Variants in RXFP1 observed in about 807,000 individuals in gnomAD.
RXFP1 encodes the protein relaxin family peptide receptor 1.
In RXFP1, 73 loss-of-function variants were observed where a neutral mutation model predicts 89.8. The observed-to-expected ratio is 0.81, with a 90% CI of 0.67 to 0.99. The LOEUF (loss-of-function observed/expected upper bound fraction) is 0.99, where lower values mean the gene tolerates loss of function less well. Among genes scored for constraint, RXFP1 ranks in the 50% least tolerant of loss-of-function variants. The pLI is 0.00. For synonymous variants in RXFP1, 277 were observed against 305.5 expected, an observed-to-expected ratio of 0.91 and a Z score of 0.97; for missense variants, 793 against 895.5, an observed-to-expected ratio of 0.89 and a Z score of 1.46.
chr4:158,521,921 G>A lies in RXFP1; in HGVS notation c.-56G>A. ...ACCACTGTGAGCTGTATGCGATTCA[G>A]AAACCAAGACCAAATTTTGCTCACT... On this transcript the variant is annotated 5_prime_UTR_variant, in exon 1 of 18. Transcript: ENST00000307765. The A allele has an allele frequency of 7.6e-7, 1 of 1,313,794 alleles. No homozygotes were observed. The highest frequency in any genetic ancestry group is 1.1e-6 in the Non-Finnish European group (1 of 913,676). 81.4% of individuals were successfully genotyped at this position (1,313,794 alleles called of 1,614,324 possible). A position where few individuals can be genotyped will look rare whatever the true frequency, so the allele number is the denominator to read the frequency against.
At chr4:158,578,595 CTT>C (rs549372234) in intron 2 of RXFP1, among the ~76,000 whole-genome samples, 12 of 152,132 alleles carry the variant, frequency 7.9e-5, no homozygotes, top group Admixed American at 1.3e-4. Context: ...AAAAGAAACT[CTT>C]TACGTTTCTA....
At chr4:158,545,977 T>C (rs956730568) in intron 1 of RXFP1, among the ~76,000 whole-genome samples, 4 of 152,208 alleles carry the variant, frequency 2.6e-5, no homozygotes, top group Non-Finnish European at 5.9e-5. Context: ...TTTTTTCCAA[T>C]TCTGTGAAGA....
chr4:158,605,376 G>A (rs928714757), intron 5 of RXFP1, among the ~76,000 whole-genome samples: 3 of 152,134 alleles, frequency 2.0e-5, no homozygotes, highest in Admixed American at 6.6e-5. Flanking sequence ...GAACATGTGT[G>A]CTGTGAATCC....
chr4:158,584,371 T>C (rs1579824181), intron 2 of RXFP1, among the ~76,000 whole-genome samples: 1 of 151,446 alleles, frequency 6.6e-6, no homozygotes, highest in African/African-American at 2.4e-5. Flanking sequence ...GAGGTGGAGG[T>C]TGCAGTGAGC....
chr4:158,652,013 G>C lies in RXFP1; in HGVS notation c.2232G>C (p.Met744Ile). The C allele has an allele frequency of 6.2e-7, 1 of 1,613,334 alleles. No individual in the cohort carries two copies. Among genetic ancestry groups the C allele is most frequent in the African/African-American group, 1.3e-5 (1 of 75,002 alleles). ...KPDLFTYPCE[M>I]SLISQSTRLN... ...ACCTTTTCACATACCCCTGTGAAAT[G>C]TCACTGATTTCTCAATCAACGAGAC... The change falls in exon 18 of 18, where the codon ATG becomes ATC. Residue 744 changes from methionine (M) to isoleucine (I), a missense_variant. Physicochemically the swap from Met to Ile is conservative, Grantham distance 10. Transcript: ENST00000307765.
intron 1 of RXFP1, among the ~76,000 whole-genome samples, chr4:158,536,626 CT>C (rs886741838): frequency 3.9e-5 from 6 of 152,130 alleles, no homozygotes; most frequent in African/African-American, 1.4e-4. Context: ...AAAATAGGCT[CT>C]TTTTGCAAAT....
At chr4:158,548,245 C>T (rs1314912271) in intron 1 of RXFP1, among the ~76,000 whole-genome samples, 9 of 152,246 alleles carry the variant, frequency 5.9e-5, no homozygotes, top group African/African-American at 1.4e-4. Flanking sequence ...GGTTTAAAGT[C>T]TGTTTTATCA....
chr4:158,607,880 C>A, intron 5 of RXFP1, 92 bp from the exon 6 acceptor site: 1 of 775,324 alleles, frequency 1.3e-6, no homozygotes, highest in Non-Finnish European at 2.1e-6. Context: ...TGCTATGCTA[C>A]CATCACCATC....
intron 17 of RXFP1, among the ~76,000 whole-genome samples, chr4:158,650,987 G>T (rs1330281870): frequency 6.6e-6 from 1 of 152,136 alleles, no homozygotes; most frequent in African/African-American, 2.4e-5. Context: ...AACCAGGCAT[G>T]GTGGCACATG....
intron 11 of RXFP1, among the ~76,000 whole-genome samples, chr4:158,629,121 G>T (rs1256055056): frequency 6.6e-6 from 1 of 151,706 alleles, no homozygotes; most frequent in African/African-American, 2.4e-5. Context: ...CATGACCTCG[G>T]CTCACTGCAA....
chr4:158,641,744 C>A (rs1770419774), intron 14 of RXFP1, among the ~76,000 whole-genome samples: 2 of 152,126 alleles, frequency 1.3e-5, no homozygotes, highest in African/African-American at 2.4e-5. Context: ...GCTTTATAGA[C>A]AAATAGATCT....
At chr4:158,649,650 A>G (rs760892791) in intron 17 of RXFP1, among the ~76,000 whole-genome samples, 3 of 152,122 alleles carry the variant, frequency 2.0e-5, no homozygotes, top group Non-Finnish European at 2.9e-5. Context: ...AACAATGTGC[A>G]TTACATCCAT....
At chr4:158,594,817 G>C (rs1760219216) in intron 3 of RXFP1, among the ~76,000 whole-genome samples, 1 of 151,858 alleles carries the variant, frequency 6.6e-6, no homozygotes, top group Non-Finnish European at 1.5e-5. Flanking sequence ...TTCTTTGCTG[G>C]GTTTTTAATT....
intron 1 of RXFP1, among the ~76,000 whole-genome samples, chr4:158,567,209 C>T (rs763966858): frequency 1.2e-4 from 18 of 152,298 alleles, no homozygotes; most frequent in Admixed American, 4.6e-4. Flanking sequence ...CCTGCACAGC[C>T]GGAGCCTCCC....
chr4:158,542,238 C>T (rs1353186007), intron 1 of RXFP1, among the ~76,000 whole-genome samples: 4 of 150,872 alleles, frequency 2.7e-5, no homozygotes, highest in Non-Finnish European at 5.9e-5. Flanking sequence ...GCGCCTGGCC[C>T]AGAATGATGC....
chr4:158,645,824 T>C (rs920106486), intron 15 of RXFP1, among the ~76,000 whole-genome samples: 1 of 152,170 alleles, frequency 6.6e-6, no homozygotes, highest in Non-Finnish European at 1.5e-5. Context: ...GCTGCCCCCA[T>C]GTGCTGTCCC....
chr4:158,604,750 G>A (rs1253806561), intron 4 of RXFP1, among the ~76,000 whole-genome samples: 1 of 152,098 alleles, frequency 6.6e-6, no homozygotes, highest in Non-Finnish European at 1.5e-5. Context: ...TAGAAACTGA[G>A]ATGCCTTCTA....
chr4:158,588,987 C>T lies in RXFP1; in HGVS notation c.188-4414C>T, dbSNP rs191921200. ...TCTCACGCTGCTATGAAGAAATACA[C>T]GAGACTGAGTGATTTATAAGGAAAA... is the stretch of plus-strand genomic sequence containing the variant. On this transcript the variant is annotated intron_variant, in intron 2 of 17. Coordinates refer to ENST00000307765, the MANE Select transcript of RXFP1 (RefSeq NM_021634.4). Among the ~76,000 whole-genome samples the T allele has an allele frequency of 4.1e-3, 629 of 152,300 alleles. 4 individuals carry two copies. The highest frequency in any genetic ancestry group is 0.02 in the Middle Eastern group (6 of 294).
intron 1 of RXFP1, among the ~76,000 whole-genome samples, chr4:158,564,217 T>A (rs567751038): frequency 3.3e-5 from 5 of 152,266 alleles, no homozygotes; most frequent in African/African-American, 1.2e-4. Flanking sequence ...CAATATGTTT[T>A]CATATTTTAC....
Sources: gnomAD v4.1 joint callset for allele counts (sites outside exome capture counted in the v4.1 genomes callset) on GRCh38, gnomAD v4.1.1 for gene constraint, MANE v1.5 for transcripts, NCBI Gene and HGNC (gene_info 2026-07-23, HGNC 2026-07-21) for gene names.